The following TTC6 variants were observed in gnomAD, a reference collection of about 807,000 sequenced individuals.
TTC6 encodes the protein tetratricopeptide repeat protein 6.
Under a neutral mutation model 210.4 loss-of-function variants are expected in TTC6, and 172 were observed. The observed-to-expected ratio is 0.82, with a 90% CI of 0.72 to 0.93. The LOEUF (loss-of-function observed/expected upper bound fraction) is 0.93, where lower values mean the gene tolerates loss of function less well. Among genes scored for constraint, TTC6 ranks in the 40% least tolerant of loss-of-function variants. The probability of loss-of-function intolerance (pLI) is 0.00; values close to 1 mark genes in which losing one functional copy is unlikely to be tolerated. For synonymous variants in TTC6, 804 were observed against 819.6 expected, an observed-to-expected ratio of 0.98 and a Z score of 0.32; for missense variants, 2,414 against 2,318.1, an observed-to-expected ratio of 1.04 and a Z score of -0.85.
intron 3 of TTC6, among the ~76,000 whole-genome samples, chr14:37,693,417 A>G (rs1000514311): frequency 1.3e-5 from 2 of 152,194 alleles, no homozygotes; most frequent in African/African-American, 4.8e-5. Flanking sequence ...TGGAAGAACC[A>G]ATATTGTTAA....
intron 1 of TTC6, among the ~76,000 whole-genome samples, chr14:37,669,658 T>G (rs930678217): frequency 3.3e-5 from 5 of 152,196 alleles, no homozygotes; most frequent in Non-Finnish European, 7.3e-5. Context: ...TGTCTTTCTA[T>G]TTTTAGTAGG....
chr14:37,738,177 ATTAT>A (rs537620270), intron 9 of TTC6, among the ~76,000 whole-genome samples: 88 of 149,944 alleles, frequency 5.9e-4, no homozygotes, highest in African/African-American at 2.0e-3. Flanking sequence ...AAATTATATA[ATTAT>A]TAATGTTATA....
intron 6 of TTC6, among the ~76,000 whole-genome samples, chr14:37,719,531 A>AC (rs2095857968): frequency 2.6e-5 from 4 of 152,188 alleles, no homozygotes. Context: ...AGAGTAGAAA[A>AC]CCCACAAATG....
chr14:37,735,824 C>T, intron 7 of TTC6, 97 bp from the exon 10 acceptor site: 1 of 660,514 alleles, frequency 1.5e-6, no homozygotes, highest in South Asian at 2.6e-5. Context: ...CTCTTTGGTT[C>T]TTTTGTTAAT....
intron 2 of TTC6, among the ~76,000 whole-genome samples, chr14:37,608,185 C>T (rs1302987084): frequency 1.3e-5 from 2 of 152,046 alleles, no homozygotes; most frequent in Non-Finnish European, 2.9e-5. Context: ...TTTTTATTTG[C>T]ATTTCAATTT....
intron 1 of TTC6, among the ~76,000 whole-genome samples, chr14:37,664,780 A>G (rs2095744522): frequency 6.7e-6 from 1 of 150,264 alleles, no homozygotes; most frequent in African/African-American, 2.4e-5. Flanking sequence ...TCCAGAGCTT[A>G]TCAGGAACTT....
chr14:37,637,568 C>G (rs2095683400), intron 1 of TTC6, among the ~76,000 whole-genome samples: 1 of 152,034 alleles, frequency 6.6e-6, no homozygotes, highest in Non-Finnish European at 1.5e-5. Context: ...CAAAGAGTTT[C>G]AGGTTACAGT....
At chr14:37,634,032 T>C (rs951501161) in intron 1 of TTC6, among the ~76,000 whole-genome samples, 29 of 152,166 alleles carry the variant, frequency 1.9e-4, no homozygotes, top group Non-Finnish European at 4.4e-5. Flanking sequence ...ACTCTCATAA[T>C]ATCCAAAATG....
At chr14:37,638,152 C>T (rs1272324309) in intron 1 of TTC6, among the ~76,000 whole-genome samples, 2 of 152,198 alleles carry the variant, frequency 1.3e-5, no homozygotes, top group Non-Finnish European at 2.9e-5. Flanking sequence ...ATACCTGCAA[C>T]AACTTGGATG....
intron 29 of TTC6, among the ~76,000 whole-genome samples, chr14:37,830,353 A>G (rs1027806107): frequency 1.3e-5 from 2 of 152,042 alleles, no homozygotes; most frequent in African/African-American, 4.8e-5. Flanking sequence ...AGTACACAGT[A>G]TATGTTTTCA....
chr14:37,634,810 G>A (rs1028874729), intron 1 of TTC6, among the ~76,000 whole-genome samples: 7 of 152,156 alleles, frequency 4.6e-5, no homozygotes, highest in Non-Finnish European at 7.4e-5. Flanking sequence ...TCGTCAGAAG[G>A]CATTGACACA....
intron 1 of TTC6, among the ~76,000 whole-genome samples, chr14:37,646,684 A>G (rs2095702331): frequency 6.6e-6 from 1 of 152,200 alleles, no homozygotes; most frequent in Admixed American, 6.5e-5. Flanking sequence ...CCCAAATTTT[A>G]CTTGTCTCTG....
intron 7 of TTC6, among the ~76,000 whole-genome samples, chr14:37,733,473 A>G (rs1036751699): frequency 2.0e-5 from 3 of 152,138 alleles, no homozygotes; most frequent in African/African-American, 7.2e-5. Flanking sequence ...ATATAATTTC[A>G]TTCTTGAGGA....
At chr14:37,724,264 C>G (rs2095867318) in intron 6 of TTC6, among the ~76,000 whole-genome samples, 1 of 152,056 alleles carries the variant, frequency 6.6e-6, no homozygotes, top group African/African-American at 2.4e-5. Flanking sequence ...TTTTTCCAGT[C>G]CATGAGTTTA....
At position 37,672,419 on chromosome 14, in the gene TTC6, C is replaced by T. The variant is rs1021722332; in HGVS notation, c.940-7732C>T. ...TTGCATTTTGAAAAACATTATTCTT[C>T]GTCTGTTGTTTTCATCTCTCTAACT... On this transcript the variant is annotated intron_variant, in intron 1 of 30. Transcript: ENST00000553443. Among the ~76,000 whole-genome samples, 27 of 152,186 alleles carry T rather than the reference C, an allele frequency of 1.8e-4. 1 individual carries two copies. The highest frequency in any genetic ancestry group is 4.8e-4 in the African/African-American group (20 of 41,552).
chr14:37,712,931 A>G (rs139203777), intron 5 of TTC6, among the ~76,000 whole-genome samples: 1 of 152,274 alleles, frequency 6.6e-6, no homozygotes, highest in African/African-American at 2.4e-5. Flanking sequence ...AGAGGGTTAG[A>G]AAAATGGGGC....
rs564121133 is a variant in TTC6 at position 37,682,810 on chromosome 14, A to G, written c.1103A>G (p.Gln368Arg). The G allele has an allele frequency of 2.7e-5, 41 of 1,535,678 alleles. No homozygotes were observed. The East Asian group carries it at 9.3e-4, about 35-fold the overall frequency. The change falls in exon 3 of 31, where the codon CAA (glutamine) becomes CGA (arginine). Residue 368 changes from glutamine (Q) to arginine (R), a missense_variant. Transcript: ENST00000553443. ...ATGTCAAGTATTCTCCAGATTGAACAAGAGGATATAGAATGGGGACCCTCA... is the reference window on the plus strand; with the variant it reads ...ATGTCAAGTATTCTCCAGATTGAACGAGAGGATATAGAATGGGGACCCTCA...
At chr14:37,801,584 AAGAG>A (rs773361776) in intron 20 of TTC6, among the ~76,000 whole-genome samples, 35 of 152,096 alleles carry the variant, frequency 2.3e-4, no homozygotes, top group Non-Finnish European at 4.3e-4. Flanking sequence ...TAGCAGAGTA[AAGAG>A]AGAGAGGTTC....
At chr14:37,632,530 C>T (rs1274182415) in intron 1 of TTC6, among the ~76,000 whole-genome samples, 1 of 152,172 alleles carries the variant, frequency 6.6e-6, no homozygotes, top group Non-Finnish European at 1.5e-5. Context: ...CCAGCTGGAG[C>T]TCTGCTGTAT....
Sources: allele counts gnomAD v4.1 joint callset (sites outside exome capture counted in the v4.1 genomes callset), GRCh38; gene constraint gnomAD v4.1.1; transcripts MANE v1.5; gene names NCBI Gene and HGNC (gene_info 2026-07-23, HGNC 2026-07-21).